FOXP1: variants seen among roughly 807,000 people sequenced by gnomAD.
FOXP1 encodes forkhead box P1.
Under a neutral mutation model 98.2 loss-of-function variants are expected in FOXP1, and 15 were observed. The ratio of observed to expected loss-of-function variants is 0.15; its 90% CI spans 0.10 to 0.24. The LOEUF (loss-of-function observed/expected upper bound fraction) is 0.24. Among genes scored for constraint, FOXP1 ranks in the 10% least tolerant of loss-of-function variants. FOXP1 has a pLI of 1.00. For synonymous variants in FOXP1, 371 were observed against 314.5 expected (o/e 1.18, Z -1.90); for missense variants, 633 against 848.5 (o/e 0.75, Z 3.15).
intron 2 of FOXP1, among the ~76,000 whole-genome samples, chr3:71,505,363 C>T (rs535886485): frequency 3.3e-5 from 5 of 149,820 alleles, no homozygotes; most frequent in South Asian, 2.1e-4. Flanking sequence ...GAGTTTATGA[C>T]GGCATATGAG....
intron 3 of FOXP1, among the ~76,000 whole-genome samples, chr3:71,488,726 T>A (rs2090843973): frequency 6.6e-6 from 1 of 152,162 alleles, no homozygotes; most frequent in African/African-American, 2.4e-5. Context: ...GTTGACACTG[T>A]CTTCGCATGC....
chr3:71,059,887 T>G (rs2051233158), intron 7 of FOXP1, among the ~76,000 whole-genome samples: 1 of 152,026 alleles, frequency 6.6e-6, no homozygotes, highest in Non-Finnish European at 1.5e-5. Context: ...TCAAAAATAA[T>G]GAAAGAGACA....
At chr3:71,160,312 T>C (rs752229784) in intron 6 of FOXP1, among the ~76,000 whole-genome samples, 61 of 152,226 alleles carry the variant, frequency 4.0e-4, no homozygotes, top group Middle Eastern at 3.2e-3. Flanking sequence ...TAGAGATAAC[T>C]GGTCTCAGCA....
At chr3:70,967,349 G>C (rs1021277761) in intron 19 of FOXP1, among the ~76,000 whole-genome samples, 1 of 152,216 alleles carries the variant, frequency 6.6e-6, no homozygotes, top group African/African-American at 2.4e-5. Context: ...CCCTGTGTTA[G>C]AAGTCCTGTG....
At chr3:71,362,461 G>A (rs544664737) in intron 3 of FOXP1, among the ~76,000 whole-genome samples, 6 of 152,156 alleles carry the variant, frequency 3.9e-5, no homozygotes, top group South Asian at 2.1e-4. Context: ...GTGAGCCACC[G>A]CGCCCAGCCC....
intron 5 of FOXP1, chr3:71,210,919 T>C (rs1699610574): frequency 6.6e-6 from 1 of 152,192 alleles, no homozygotes; most frequent in Admixed American, 6.5e-5. Flanking sequence ...TCCTGAACCC[T>C]GGATGAACCA....
chr3:71,387,273 G>T (rs750738848), intron 3 of FOXP1, among the ~76,000 whole-genome samples: 10 of 152,138 alleles, frequency 6.6e-5, no homozygotes, highest in Non-Finnish European at 1.3e-4. Context: ...TCAAATGCTG[G>T]TCTCGTGCAC....
intron 5 of FOXP1, among the ~76,000 whole-genome samples, chr3:71,204,943 T>A (rs1345718530): frequency 3.3e-5 from 5 of 152,152 alleles, no homozygotes; most frequent in African/African-American, 1.2e-4. Context: ...GAGCCAAGTT[T>A]AGGAGGCAAA....
At chr3:71,271,838 A>G (rs904816724) in intron 5 of FOXP1, among the ~76,000 whole-genome samples, 1 of 152,238 alleles carries the variant, frequency 6.6e-6, no homozygotes, top group Admixed American at 6.5e-5. Context: ...CTTAAGTCCA[A>G]AGCCATGGAT....
chr3:71,380,016 T>C (rs2080020736), intron 3 of FOXP1, among the ~76,000 whole-genome samples: 1 of 152,204 alleles, frequency 6.6e-6, no homozygotes, highest in Non-Finnish European at 1.5e-5. Context: ...AAATACAGTA[T>C]AGGTGGTATT....
At chr3:70,984,053 T>C (rs981435408) in intron 14 of FOXP1, among the ~76,000 whole-genome samples, 6 of 152,300 alleles carry the variant, frequency 3.9e-5, no homozygotes, top group African/African-American at 1.4e-4. Flanking sequence ...TGCTTTTCTT[T>C]CCATAGAAAA....
chr3:71,064,858 G>C (rs1366721503), intron 7 of FOXP1: 1 of 981,238 alleles, frequency 1.0e-6, no homozygotes, highest in African/African-American at 1.8e-5. Context: ...GGCGCGCGGA[G>C]CCGGGCTCGG....
chr3:71,456,502 G>A (rs1404368616), intron 3 of FOXP1, among the ~76,000 whole-genome samples: 1 of 152,102 alleles, frequency 6.6e-6, no homozygotes, highest in Non-Finnish European at 1.5e-5. Context: ...TGTTTTACAT[G>A]TTCCCCTTGA....
At chr3:71,561,785 T>C (rs978442581) in intron 2 of FOXP1, among the ~76,000 whole-genome samples, 2 of 152,190 alleles carry the variant, frequency 1.3e-5, no homozygotes, top group African/African-American at 2.4e-5. Context: ...AGCACCAGTA[T>C]ATTTCTTTGC....
chr3:71,271,947 G>C (rs1202871568), intron 5 of FOXP1, among the ~76,000 whole-genome samples: 1 of 152,126 alleles, frequency 6.6e-6, no homozygotes, highest in Non-Finnish European at 1.5e-5. Flanking sequence ...GTAAAATATT[G>C]GCAGGGGCGA....
intron 5 of FOXP1, among the ~76,000 whole-genome samples, chr3:71,257,974 C>T (rs898962590): frequency 3.3e-5 from 5 of 152,182 alleles, no homozygotes; most frequent in Non-Finnish European, 5.9e-5. Context: ...CAAAATACCT[C>T]GCAGTCCTGA....
At chr3:71,354,348 A>G (rs558981249) in intron 4 of FOXP1, among the ~76,000 whole-genome samples, 16 of 152,232 alleles carry the variant, frequency 1.1e-4, no homozygotes, top group Admixed American at 9.2e-4. Context: ...AAGGCAGGAG[A>G]TCAAACCAGC....
intron 3 of FOXP1, among the ~76,000 whole-genome samples, chr3:71,465,309 G>GAAAAA (rs869106717): frequency 8.9e-6 from 1 of 112,188 alleles, no homozygotes; most frequent in Non-Finnish European, 1.8e-5. Context: ...CTCTGTCTCA[G>GAAAAA]AAAAAAAAAA....
chr3:71,445,239 A>G (rs1290770065), intron 3 of FOXP1, among the ~76,000 whole-genome samples: 1 of 152,196 alleles, frequency 6.6e-6, no homozygotes, highest in Non-Finnish European at 1.5e-5. Context: ...CAAAAGCAGG[A>G]ATTCAAACTC....
Sources: allele counts gnomAD v4.1 joint callset (sites outside exome capture counted in the v4.1 genomes callset), GRCh38; gene constraint gnomAD v4.1.1; transcripts MANE v1.5; gene names NCBI Gene and HGNC (gene_info 2026-07-23, HGNC 2026-07-21).